NFX1: variants seen among roughly 807,000 people sequenced by gnomAD.
NFX1 encodes transcriptional repressor NF-X1.
NFX1 carries 69 observed loss-of-function variants against 137.2 expected under a neutral mutation model. The observed-to-expected ratio is 0.50, with a 90% CI of 0.41 to 0.61. NFX1 has a LOEUF of 0.61. Among genes scored for constraint, NFX1 ranks in the 20% least tolerant of loss-of-function variants. NFX1 has a pLI of 0.00. For synonymous variants in NFX1, 495 were observed against 474.1 expected, an observed-to-expected ratio of 1.04 and a Z score of -0.57; for missense variants, 1,167 against 1,391.0, an observed-to-expected ratio of 0.84 and a Z score of 2.56.
At position 33,364,027 on chromosome 9, in the gene NFX1, T is replaced by A. The variant is rs757475507; in HGVS notation, c.2891T>A (p.Phe964Tyr). The A allele has an allele frequency of 6.3e-7, 1 of 1,588,180 alleles. No homozygotes were observed. Among genetic ancestry groups the A allele is most frequent in the East Asian group, 2.3e-5 (1 of 43,226 alleles). The change falls in exon 20 of 24, where the codon TTT (phenylalanine) becomes TAT (tyrosine). Residue 964 changes from phenylalanine to tyrosine, a missense_variant. Coordinates refer to ENST00000379540, the MANE Select transcript of NFX1 (RefSeq NM_002504.6). ...TCTTTCAGGAGATTAGCAGAGGCAT[T>A]TCATATCAGTGAGGATTCTGATCCT... is the stretch of plus-strand genomic sequence containing the variant. ...LERKKRLAEA[F>Y]HISEDSDPFN... is the part of the protein sequence containing the mutation.
chr9:33,361,328 TAAAA>T (rs1338809846), intron 19 of NFX1, among the ~76,000 whole-genome samples: 1 of 152,132 alleles, frequency 6.6e-6, no homozygotes, highest in Non-Finnish European at 1.5e-5. Context: ...TTTTATTAAA[TAAAA>T]ATGGTATATA....
chr9:33,336,277 G>T (rs997274253), intron 11 of NFX1, among the ~76,000 whole-genome samples: 1 of 151,954 alleles, frequency 6.6e-6, no homozygotes, highest in Non-Finnish European at 1.5e-5. Flanking sequence ...GTGCTGTGGC[G>T]CTATCTCAGC....
At chr9:33,307,122 T>C (rs1821781108) in intron 4 of NFX1, 72 bp from the exon 5 acceptor site, 1 of 1,220,856 alleles carries the variant, frequency 8.2e-7, no homozygotes, top group Non-Finnish European at 1.2e-6. Context: ...CTAGCTATAC[T>C]TTACTGTTTC....
chr9:33,294,288 CAT>C, intron 1 of NFX1, 130 bp from the exon 2 acceptor site: 1 of 830,272 alleles, frequency 1.2e-6, no homozygotes, highest in Non-Finnish European at 1.9e-6. Flanking sequence ...TCACTGGAAA[CAT>C]AGTTCTTACT....
At chr9:33,335,111 C>T (rs951724798) in intron 11 of NFX1, among the ~76,000 whole-genome samples, 9 of 152,054 alleles carry the variant, frequency 5.9e-5, no homozygotes, top group Admixed American at 2.6e-4. Context: ...ATTCACATAA[C>T]ATAATTAACC....
chr9:33,313,515 C>A, intron 6 of NFX1, 139 bp from the exon 7 acceptor site: 3 of 671,032 alleles, frequency 4.5e-6, no homozygotes, highest in Non-Finnish European at 7.6e-6. Context: ...AGGAGGGAGA[C>A]ATAGGAAAAA....
chr9:33,350,627 T>C (rs1050982460), intron 15 of NFX1, among the ~76,000 whole-genome samples: 7 of 152,242 alleles, frequency 4.6e-5, no homozygotes, highest in African/African-American at 1.7e-4. Flanking sequence ...GTTTTCTTCA[T>C]CTCAAACTAA....
At chr9:33,364,435 C>T (rs1314723964) in intron 20 of NFX1, among the ~76,000 whole-genome samples, 1 of 152,316 alleles carries the variant, frequency 6.6e-6, no homozygotes, top group East Asian at 1.9e-4. Context: ...GTCTCACATT[C>T]ACATGCGTTC....
intron 11 of NFX1, among the ~76,000 whole-genome samples, chr9:33,336,640 C>G (rs974676085): frequency 2.6e-5 from 4 of 152,008 alleles, no homozygotes; most frequent in Admixed American, 1.3e-4. Flanking sequence ...GGGTCTCTGT[C>G]ACCTTGACTG....
chr9:33,296,526 A>G (rs1181240903), intron 2 of NFX1, among the ~76,000 whole-genome samples: 3 of 152,186 alleles, frequency 2.0e-5, no homozygotes, highest in Non-Finnish European at 4.4e-5. Flanking sequence ...ACAGGTGTTC[A>G]AGACCAGCCT....
chr9:33,298,286 AAG>A (rs1413758155), intron 2 of NFX1, among the ~76,000 whole-genome samples: 18 of 152,232 alleles, frequency 1.2e-4, no homozygotes, highest in African/African-American at 3.9e-4. Context: ...TAGCTTGAGA[AAG>A]AGCATTCTAG....
At chr9:33,313,427 T>TAA (rs1037983606) in intron 6 of NFX1, among the ~76,000 whole-genome samples, 4 of 141,256 alleles carry the variant, frequency 2.8e-5, no homozygotes, top group East Asian at 2.0e-4. Context: ...TGTCTCTATT[T>TAA]AAAAAAAAAA....
At chr9:33,342,881 T>C in intron 13 of NFX1, 27 bp downstream of exon 13, 2 of 1,466,154 alleles carry the variant, frequency 1.4e-6, no homozygotes, top group East Asian at 2.3e-5. Context: ...TATAGTTTAT[T>C]AGAAGAGTTT....
chr9:33,313,648 T>G lies in NFX1; in HGVS notation c.1449-6T>G. On this transcript the variant is annotated splice_region_variant and splice_polypyrimidine_tract_variant and intron_variant, in intron 6 of 23. Transcript: ENST00000379540. ...GATGCTGTCTTTACATCTATTGTCT[T>G]TACAGGCACACAGTTCGCTGTGGTC... The G allele has an allele frequency of 6.2e-7, 1 of 1,613,968 alleles. No individual in the cohort carries two copies. Among genetic ancestry groups the G allele is most frequent in the Non-Finnish European group, 8.5e-7 (1 of 1,179,874 alleles).
intron 7 of NFX1, among the ~76,000 whole-genome samples, chr9:33,316,850 G>T (rs1163195441): frequency 1.3e-5 from 2 of 152,106 alleles, no homozygotes; most frequent in Non-Finnish European, 2.9e-5. Context: ...TATTTACTCA[G>T]ATTTTTTCAT....
At chr9:33,311,307 TCAGGAGTGAAAG>T in intron 6 of NFX1, 130 bp downstream of exon 6, 1 of 831,164 alleles carries the variant, frequency 1.2e-6, no homozygotes, top group Non-Finnish European at 1.9e-6. Flanking sequence ...TTTTTTTTTT[TCAGGAGTGAAAG>T]TTTATTAAAA....
chr9:33,302,120 A>G (rs887226231), intron 3 of NFX1, among the ~76,000 whole-genome samples: 3 of 152,138 alleles, frequency 2.0e-5, no homozygotes, highest in Non-Finnish European at 4.4e-5. Flanking sequence ...TTTACTATGC[A>G]TACGTAATAG....
intron 11 of NFX1, 193 bp downstream of exon 11, chr9:33,332,695 T>C (rs1822851143): frequency 1.9e-6 from 1 of 519,586 alleles, no homozygotes; most frequent in Non-Finnish European, 3.5e-6. Flanking sequence ...AAATATAAGC[T>C]AAGTGCACTC....
rs568223223 is a variant in NFX1 at position 33,339,911 on chromosome 9, A to T, written c.2115+1322A>T. On this transcript the variant is annotated intron_variant, in intron 12 of 23. Coordinates refer to ENST00000379540, the MANE Select transcript of NFX1 (RefSeq NM_002504.6). ...ACACTGATGCAGGAAGTGGGTTCCCATGGTCTTGGACAGCTCCGCCCATGT... is the reference window on the plus strand; with the variant it reads ...ACACTGATGCAGGAAGTGGGTTCCCTTGGTCTTGGACAGCTCCGCCCATGT... Among the ~76,000 whole-genome samples the T allele has an allele frequency of 1.2e-3, 190 of 152,324 alleles. 1 individual carries two copies. Among genetic ancestry groups the T allele is most frequent in the African/African-American group, 3.4e-3 (142 of 41,576 alleles).
Sources: gnomAD v4.1 joint callset for allele counts (sites outside exome capture counted in the v4.1 genomes callset) on GRCh38, gnomAD v4.1.1 for gene constraint, MANE v1.5 for transcripts, NCBI Gene and HGNC (gene_info 2026-07-23, HGNC 2026-07-21) for gene names.